The following CPNE4 variants were observed in gnomAD, a reference collection of about 807,000 sequenced individuals.
The protein encoded by CPNE4 is copine-4.
In CPNE4, 25 loss-of-function variants were observed where a neutral mutation model predicts 67.9. That is an observed-to-expected ratio of 0.37 (90% CI 0.27 to 0.51). CPNE4 has a LOEUF of 0.51. Among genes scored for constraint, CPNE4 ranks in the 20% least tolerant of loss-of-function variants. The pLI, the probability that CPNE4 is intolerant of heterozygous loss-of-function variation, is 0.93. For synonymous variants in CPNE4, 242 were observed against 244.9 expected (o/e 0.99, Z 0.11); for missense variants, 464 against 690.8 (o/e 0.67, Z 3.68).
At chr3:131,939,347 G>GAA (rs5852670) in intron 1 of CPNE4, among the ~76,000 whole-genome samples, 3 of 151,774 alleles carry the variant, frequency 2.0e-5, no homozygotes, top group East Asian at 3.9e-4. Flanking sequence ...ATTGGTAAGT[G>GAA]AAAAAAAATG....
At chr3:131,930,487 G>T (rs887049994) in intron 1 of CPNE4, among the ~76,000 whole-genome samples, 2 of 152,044 alleles carry the variant, frequency 1.3e-5, no homozygotes. Context: ...TCATTTATTG[G>T]TGTGGGTATC....
chr3:131,888,297 T>G (rs1209425238), intron 2 of CPNE4, among the ~76,000 whole-genome samples: 1 of 152,146 alleles, frequency 6.6e-6, no homozygotes, highest in South Asian at 2.1e-4. Context: ...GAATTCAGTT[T>G]GAAAAGACCA....
chr3:131,597,229 G>T (rs551337455), intron 7 of CPNE4, among the ~76,000 whole-genome samples: 28 of 151,588 alleles, frequency 1.8e-4, no homozygotes, highest in African/African-American at 6.8e-4. Context: ...AACACTGCAG[G>T]TTCTCACTCA....
chr3:131,563,924 A>C (rs1241202133), intron 11 of CPNE4, among the ~76,000 whole-genome samples: 2 of 152,076 alleles, frequency 1.3e-5, no homozygotes, highest in African/African-American at 2.4e-5. Flanking sequence ...CTAGTGCATA[A>C]GCAATTTTGA....
chr3:131,780,592 T>C (rs574475609), intron 2 of CPNE4, among the ~76,000 whole-genome samples: 1 of 152,008 alleles, frequency 6.6e-6, no homozygotes, highest in South Asian at 2.1e-4. Context: ...AACCAAATAC[T>C]TCACTTATAA....
chr3:131,698,840 G>A (rs550259441), intron 4 of CPNE4, among the ~76,000 whole-genome samples: 3 of 150,150 alleles, frequency 2.0e-5, no homozygotes, highest in Admixed American at 1.3e-4. Context: ...AACCCAGGAG[G>A]TGGAGGTTGT....
intron 2 of CPNE4, among the ~76,000 whole-genome samples, chr3:131,864,020 A>G (rs537299346): frequency 2.0e-5 from 3 of 152,168 alleles, no homozygotes; most frequent in East Asian, 1.9e-4. Flanking sequence ...AGTTGTAGAT[A>G]TGCGGCATTA....
intron 3 of CPNE4, among the ~76,000 whole-genome samples, chr3:131,716,025 T>G (rs1189001762): frequency 6.6e-6 from 1 of 152,150 alleles, no homozygotes; most frequent in Non-Finnish European, 1.5e-5. Flanking sequence ...TCTCCTTGAG[T>G]TTCCCTGAGG....
At chr3:131,558,299 G>A (rs1936576121) in intron 11 of CPNE4, among the ~76,000 whole-genome samples, 1 of 152,016 alleles carries the variant, frequency 6.6e-6, no homozygotes, top group Non-Finnish European at 1.5e-5. Flanking sequence ...AAACTAGGCA[G>A]AGAAGAGTCT....
intron 2 of CPNE4, among the ~76,000 whole-genome samples, chr3:131,731,954 T>G (rs1193631637): frequency 6.6e-6 from 1 of 152,074 alleles, no homozygotes; most frequent in Non-Finnish European, 1.5e-5. Flanking sequence ...TCCAAACCAA[T>G]TAATTTGGAA....
chr3:131,615,008 G>A (rs1459295774), intron 7 of CPNE4, among the ~76,000 whole-genome samples: 3 of 152,226 alleles, frequency 2.0e-5, no homozygotes, highest in Admixed American at 6.5e-5. Flanking sequence ...ACTTTAGTAT[G>A]CACATAAATC....
At chr3:132,011,082 A>G (rs1344801757) in intron 1 of CPNE4, among the ~76,000 whole-genome samples, 1 of 152,206 alleles carries the variant, frequency 6.6e-6, no homozygotes, top group Non-Finnish European at 1.5e-5. Context: ...AGAAACGGGA[A>G]GGGATAGGCC....
At chr3:131,860,598 A>G (rs60085673) in intron 2 of CPNE4, among the ~76,000 whole-genome samples, 48,532 of 152,020 alleles carry the variant, frequency 0.32, 8,257 homozygotes, top group African/African-American at 0.42. Flanking sequence ...CAAGTTGGAA[A>G]GCATACATGG....
intron 15 of CPNE4, among the ~76,000 whole-genome samples, chr3:131,539,426 C>CAACA (rs140278274): frequency 0.011 from 1,645 of 152,326 alleles, 25 homozygotes; most frequent in South Asian, 0.054. Context: ...GGTCCTGTAA[C>CAACA]AACATTTTAA....
chr3:131,971,467 C>G (rs2072500458), intron 1 of CPNE4, among the ~76,000 whole-genome samples: 1 of 152,158 alleles, frequency 6.6e-6, no homozygotes, highest in Non-Finnish European at 1.5e-5. Flanking sequence ...CTCTGATTCC[C>G]TAAGATATCA....
At chr3:132,037,722 G>A, upstream of CPNE4, 1 of 856,950 alleles carries the variant, frequency 1.2e-6, no homozygotes, top group Non-Finnish European at 1.9e-6. Context: ...TGTTTGATAA[G>A]ATAAGAGGAG....
chr3:131,955,919 C>A (rs1315537378), intron 1 of CPNE4, among the ~76,000 whole-genome samples: 1 of 152,074 alleles, frequency 6.6e-6, no homozygotes, highest in Non-Finnish European at 1.5e-5. Flanking sequence ...TGCTTTCCAG[C>A]AGATGCAGCC....
intron 2 of CPNE4, among the ~76,000 whole-genome samples, chr3:131,854,920 A>G (rs2086379894): frequency 6.6e-6 from 1 of 151,816 alleles, no homozygotes; most frequent in Admixed American, 6.6e-5. Context: ...TAATCCAATT[A>G]TTTAAATTAT....
In CPNE4 at chr3:131,547,455, C is replaced by CAAAAAAA. The variant is rs56412825; in HGVS notation, c.1302+2485_1302+2491dup. ...TGGGTGATAGACCAAGACCCTGTCG[C>CAAAAAAA]AAAAAAAAAAAAAAAAAAAAAAAAA... On this transcript the variant is annotated intron_variant, in intron 14 of 15. Coordinates refer to ENST00000429747, the MANE Select transcript of CPNE4 (RefSeq NM_130808.3). Among the ~76,000 whole-genome samples, 9 of 36,544 alleles carry CAAAAAAA rather than the reference C, an allele frequency of 2.5e-4. 4 individuals carry two copies. The highest frequency in any genetic ancestry group is 1.6e-3 in the Admixed American group (4 of 2,534). The allele number at this position is 36,544 out of a possible 152,430, so 24.0% of individuals were successfully genotyped here. A position where few individuals can be genotyped will look rare whatever the true frequency, so the allele number is the denominator to read the frequency against.
Sources: allele counts gnomAD v4.1 joint callset (sites outside exome capture counted in the v4.1 genomes callset), GRCh38; gene constraint gnomAD v4.1.1; transcripts MANE v1.5; gene names NCBI Gene and HGNC (gene_info 2026-07-23, HGNC 2026-07-21).